PRTG: variants seen among roughly 807,000 people sequenced by gnomAD.
PRTG encodes the protein protogenin, also known as immunoglobulin superfamily, DCC subclass, member 5.
Under a neutral mutation model 122.5 loss-of-function variants are expected in PRTG, and 67 were observed. The ratio of observed to expected loss-of-function variants is 0.55; its 90% CI spans 0.45 to 0.67. PRTG has a LOEUF of 0.67. PRTG is among the 30% of genes least tolerant of loss of function. PRTG has a pLI of 0.00. For missense variants in PRTG, 1,435 were observed against 1,415.4 expected, an observed-to-expected ratio of 1.01 and a Z score of -0.22; for synonymous variants, 554 against 501.1, an observed-to-expected ratio of 1.11 and a Z score of -1.41.
intron 15 of PRTG, among the ~76,000 whole-genome samples, chr15:55,632,705 G>C (rs1171684138): frequency 1.3e-5 from 2 of 152,150 alleles, no homozygotes; most frequent in African/African-American, 4.8e-5. Flanking sequence ...TTCTTCCGCA[G>C]GAACTCTTTT....
chr15:55,730,660 C>T (rs1330087104), intron 2 of PRTG, among the ~76,000 whole-genome samples: 3 of 151,870 alleles, frequency 2.0e-5, no homozygotes, highest in Non-Finnish European at 4.4e-5. Context: ...ATCAGCCAGG[C>T]GTGGTGGTGG....
Position 55,698,885 on chromosome 15 carries a change from G to A in PRTG, c.398-14954C>T, listed in dbSNP as rs76302043. 2.8e-3 allele frequency among the ~76,000 whole-genome samples: 429 copies of A among 152,076 alleles called. 2 individuals are homozygous for A. Among genetic ancestry groups the A allele is most frequent in the African/African-American group, 9.4e-3 (388 of 41,490 alleles). On this transcript the variant is annotated intron_variant, in intron 2 of 19. Transcript: ENST00000389286. ...GGGAGAGGGGAGAGAGTGCGGGGGT[G>A]GGGGAGATTCATTTGGGCATTGGCT...
chr15:55,671,654 A>G (rs1371692496), intron 11 of PRTG, among the ~76,000 whole-genome samples: 3 of 152,132 alleles, frequency 2.0e-5, no homozygotes, highest in Admixed American at 6.5e-5. Context: ...GCGTGCCACC[A>G]GGCTCAGCTA....
chr15:55,737,778 A>T (rs1235020226), intron 2 of PRTG, among the ~76,000 whole-genome samples: 3 of 151,798 alleles, frequency 2.0e-5, no homozygotes, highest in Non-Finnish European at 4.4e-5. Context: ...TAAAAATCTA[A>T]AACTTGCACA....
intron 2 of PRTG, among the ~76,000 whole-genome samples, chr15:55,704,772 C>A (rs990847428): frequency 6.6e-6 from 1 of 152,152 alleles, no homozygotes; most frequent in African/African-American, 2.4e-5. Flanking sequence ...TACGAAATGC[C>A]TCTCTCTTTC....
At chr15:55,739,081 T>C (rs920019837) in intron 2 of PRTG, among the ~76,000 whole-genome samples, 4 of 152,072 alleles carry the variant, frequency 2.6e-5, no homozygotes, top group African/African-American at 4.8e-5. Flanking sequence ...TATAGAAATA[T>C]CTTTGCTTGC....
chr15:55,646,383 C>T (rs970671851), intron 11 of PRTG, among the ~76,000 whole-genome samples: 1 of 150,548 alleles, frequency 6.6e-6, no homozygotes, highest in Non-Finnish European at 1.5e-5. Context: ...AGTGCAGTGG[C>T]ACGATCTCAG....
At chr15:55,678,427 G>A (rs1475200826) in intron 7 of PRTG, among the ~76,000 whole-genome samples, 1 of 152,028 alleles carries the variant, frequency 6.6e-6, no homozygotes, top group East Asian at 1.9e-4. Context: ...GTAATTTTTT[G>A]TAGAGACAAG....
chr15:55,651,146 G>C (rs557343703), intron 11 of PRTG, among the ~76,000 whole-genome samples: 1 of 152,190 alleles, frequency 6.6e-6, no homozygotes, highest in African/African-American at 2.4e-5. Context: ...CAAATAGTAA[G>C]AGTATGTGTA....
Position 55,742,927 on chromosome 15 carries a change from G to C in PRTG, c.5C>G (p.Ala2Gly), listed in dbSNP as rs1008083873. The change falls in exon 1 of 20, where the codon GCG (alanine) becomes GGG (glycine). Residue 2 changes from alanine to glycine, a missense_variant. Transcript: ENST00000389286. Reference protein sequence around the residue: MAPPLRPLARLR... With the variant: MGPPLRPLARLR... The stretch of plus-strand genomic sequence containing the variant: ...CCGGGCGAGGGGTCGCAGAGGAGGC[G>C]CCATTCAGCGTAGCCGCGCGGGCAT... 6.6e-7 allele frequency: 1 copy of C among 1,522,642 alleles called. No individual in the cohort carries two copies. The allele number at this position is 1,522,642 out of a possible 1,614,324, so 94.3% of individuals were successfully genotyped here.
At chr15:55,630,354 C>T (rs927162485) in intron 15 of PRTG, among the ~76,000 whole-genome samples, 29 of 152,212 alleles carry the variant, frequency 1.9e-4, no homozygotes, top group African/African-American at 7.0e-4. Flanking sequence ...AACTCCTGAC[C>T]TCAAGTAATC....
rs2059121924 is a variant in PRTG, at chr15:55,611,886, C to G, written c.*8126G>C. ...AATTAATATAGCTCAGCTCTACAGT[C>G]CATTAGCAAGTCTACAAATGCTGCC... is the stretch of plus-strand genomic sequence containing the variant. On this transcript the variant is annotated 3_prime_UTR_variant, in exon 20 of 20. Transcript: ENST00000389286. 6.6e-6 allele frequency: 1 copy of G among 152,098 alleles called. No individual in the cohort carries two copies. The highest frequency in any genetic ancestry group is 1.5e-5 in the Non-Finnish European group (1 of 67,962). The allele number at this position is 152,098 out of a possible 1,614,324, so 9.4% of individuals were successfully genotyped here. A position where few individuals can be genotyped will look rare whatever the true frequency, so the allele number is the denominator to read the frequency against.
At chr15:55,680,977 A>G (rs1365197143) in intron 4 of PRTG, among the ~76,000 whole-genome samples, 1 of 152,184 alleles carries the variant, frequency 6.6e-6, no homozygotes, top group African/African-American at 2.4e-5. Flanking sequence ...TAGACATTTC[A>G]TATAAATGGA....
At position 55,687,757 on chromosome 15, in the gene PRTG, A is replaced by G. The variant is rs369410614; in HGVS notation, c.398-3826T>C. On this transcript the variant is annotated intron_variant, in intron 2 of 19. Coordinates refer to ENST00000389286, the MANE Select transcript of PRTG (RefSeq NM_173814.6). Reference sequence around the variant, plus strand: ...TCACAAACACCTTTATATTTAAAATATCTAACTTTTTGATATCTTTTGAAA... The same window carrying G: ...TCACAAACACCTTTATATTTAAAATGTCTAACTTTTTGATATCTTTTGAAA... Among the ~76,000 whole-genome samples, 8 of 152,330 alleles carry G rather than the reference A, an allele frequency of 5.3e-5. No homozygotes were observed. The South Asian group carries it at 1.5e-3, about 28-fold the overall frequency.
chr15:55,689,374 T>C (rs938335474), intron 2 of PRTG, among the ~76,000 whole-genome samples: 2 of 152,130 alleles, frequency 1.3e-5, no homozygotes, highest in Admixed American at 1.3e-4. Flanking sequence ...CTCCTTGCCA[T>C]AGCAAAAGAA....
intron 2 of PRTG, among the ~76,000 whole-genome samples, chr15:55,725,813 A>G (rs961072691): frequency 3.0e-4 from 46 of 152,298 alleles, no homozygotes; most frequent in Admixed American, 1.6e-3. Flanking sequence ...ACTCTGTCAC[A>G]TAGGCTGGAG....
At chr15:55,710,621 C>T (rs77837244) in intron 2 of PRTG, among the ~76,000 whole-genome samples, 11,261 of 152,202 alleles carry the variant, frequency 0.074, 461 homozygotes, top group Non-Finnish European at 0.1. Flanking sequence ...AGGATATTCA[C>T]TACAGGAATG....
intron 11 of PRTG, among the ~76,000 whole-genome samples, chr15:55,652,548 T>A (rs1438147357): frequency 2.0e-5 from 3 of 151,978 alleles, no homozygotes; most frequent in African/African-American, 7.3e-5. Flanking sequence ...ACCCCCCATA[T>A]AATTATTCAG....
intron 1 of PRTG, 30 bp downstream of exon 1, chr15:55,742,808 G>A (rs1478052580): frequency 6.5e-7 from 1 of 1,540,404 alleles, no homozygotes; most frequent in Non-Finnish European, 8.8e-7. Context: ...CCCCACAGCG[G>A]TAAGAGAAAG....
Sources: allele counts gnomAD v4.1 joint callset (sites outside exome capture counted in the v4.1 genomes callset), GRCh38; gene constraint gnomAD v4.1.1; transcripts MANE v1.5; gene names NCBI Gene and HGNC (gene_info 2026-07-23, HGNC 2026-07-21).